SPTBN1: variants seen among roughly 807,000 people sequenced by gnomAD.
The protein encoded by SPTBN1 is spectrin beta, non-erythrocytic 1.
A neutral mutation model predicts 266.4 loss-of-function variants in SPTBN1; 32 were observed. The observed-to-expected ratio is 0.12, with a 90% confidence interval of 0.09 to 0.16. SPTBN1 has a LOEUF of 0.16. Ranked by LOEUF, SPTBN1 falls within the 10% of genes least tolerant of loss-of-function variation. SPTBN1 has a pLI of 1.00. For synonymous variants in SPTBN1, 1,336 were observed against 1,162.2 expected, an observed-to-expected ratio of 1.15 and a Z score of -3.04; for missense variants, 2,296 against 3,067.1, an observed-to-expected ratio of 0.75 and a Z score of 5.94.
At chr2:54,509,301 C>A (rs534641861) in intron 1 of SPTBN1, among the ~76,000 whole-genome samples, 1 of 152,096 alleles carries the variant, frequency 6.6e-6, no homozygotes, top group Non-Finnish European at 1.5e-5. Context: ...GATTGAAGTC[C>A]GGGCCAGGAA....
intron 1 of SPTBN1, among the ~76,000 whole-genome samples, chr2:54,474,734 C>A (rs1558757747): frequency 6.6e-6 from 1 of 152,048 alleles, no homozygotes; most frequent in South Asian, 2.1e-4. Flanking sequence ...GGAAATACTA[C>A]AAATATTAAG....
chr2:54,529,112 G>T (rs904882488), intron 2 of SPTBN1, among the ~76,000 whole-genome samples: 2 of 152,190 alleles, frequency 1.3e-5, no homozygotes. Flanking sequence ...TTAAAGCACG[G>T]GATGCTGATT....
At chr2:54,577,069 C>T (rs914056116) in intron 2 of SPTBN1, among the ~76,000 whole-genome samples, 1 of 152,108 alleles carries the variant, frequency 6.6e-6, no homozygotes, top group Non-Finnish European at 1.5e-5. Context: ...TTTTCCCCTT[C>T]CATTTCATTT....
chr2:54,619,701 C>T (rs1482316167), intron 7 of SPTBN1, among the ~76,000 whole-genome samples: 2 of 152,076 alleles, frequency 1.3e-5, no homozygotes, highest in Non-Finnish European at 2.9e-5. Context: ...AATTGTATAC[C>T]TACACTGGCA....
At chr2:54,665,862 G>A (rs1681333088) in intron 33 of SPTBN1, 53 bp from the exon 34 acceptor site, 1 of 1,550,976 alleles carries the variant, frequency 6.4e-7, no homozygotes, top group Admixed American at 2.0e-5. Context: ...GTTCTTTAAG[G>A]GGAATGTGGT....
At chr2:54,578,749 G>GGT (rs34536803) in intron 2 of SPTBN1, among the ~76,000 whole-genome samples, 39,833 of 147,394 alleles carry the variant, frequency 0.27, 5,332 homozygotes, top group Non-Finnish European at 0.32. Context: ...CTTCTGATGG[G>GGT]GTGTGTGTGT....
intron 1 of SPTBN1, among the ~76,000 whole-genome samples, chr2:54,466,765 T>A (rs190809366): frequency 4.0e-4 from 61 of 152,298 alleles, no homozygotes; most frequent in African/African-American, 1.4e-3. Flanking sequence ...TCCTAACACT[T>A]CTGACCAAAC....
intron 24 of SPTBN1, among the ~76,000 whole-genome samples, chr2:54,647,949 T>C (rs1345316728): frequency 6.6e-6 from 1 of 152,112 alleles, no homozygotes; most frequent in African/African-American, 2.4e-5. Context: ...GTAAAGTAAT[T>C]ACTAGTTTTA....
At chr2:54,508,043 C>T (rs1286485127) in intron 1 of SPTBN1, among the ~76,000 whole-genome samples, 1 of 152,104 alleles carries the variant, frequency 6.6e-6, no homozygotes, top group Non-Finnish European at 1.5e-5. Flanking sequence ...TGGAGGGTAC[C>T]TTGCCACTGA....
At chr2:54,486,864 G>T (rs1668423381) in intron 1 of SPTBN1, among the ~76,000 whole-genome samples, 2 of 152,284 alleles carry the variant, frequency 1.3e-5, no homozygotes, top group Non-Finnish European at 2.9e-5. Context: ...GTGGTGGCAA[G>T]AGCCTTGCCG....
At chr2:54,668,308 C>G (rs927851080) in intron 35 of SPTBN1, 43 bp from the exon 36 acceptor site, 9 of 1,597,322 alleles carry the variant, frequency 5.6e-6, no homozygotes, top group Non-Finnish European at 7.7e-6. Flanking sequence ...CCCCTCATGC[C>G]TACTCTTAGT....
rs114159727 is a variant in SPTBN1, at chr2:54,626,412, C to T, written c.1644+178C>T. Among the ~76,000 whole-genome samples, 1,357 of 152,272 alleles carry T rather than the reference C, an allele frequency of 8.9e-3. 27 individuals carry two copies. Among genetic ancestry groups the T allele is most frequent in the African/African-American group, 0.031 (1,286 of 41,538 alleles). On this transcript the variant is annotated intron_variant, in intron 12 of 35. Coordinates refer to ENST00000356805, the MANE Select transcript of SPTBN1 (RefSeq NM_003128.3). This position sits in a 1 kb window ranked among gnomAD's most constrained non-coding sequence, Gnocchi z 4.7. ...TTGCTAGCTCAGGAATTAAATGAGA[C>T]GTGAAGTGTGAAAAAGTTGTAGAGA...
chr2:54,512,219 A>G (rs575368536), intron 1 of SPTBN1, among the ~76,000 whole-genome samples: 1 of 152,298 alleles, frequency 6.6e-6, no homozygotes, highest in South Asian at 2.1e-4. Context: ...CCTCTAATAG[A>G]GGTTTGATCA....
rs61316795 is a variant in SPTBN1, at chr2:54,529,852, C to CAA, written c.148+3317_148+3318dup. 6.8e-3 allele frequency: 421 copies of CAA among 62,278 alleles called. 13 individuals carry two copies. The highest frequency in any genetic ancestry group is 0.022 in the African/African-American group (243 of 11,020). 3.9% of individuals were successfully genotyped at this position (62,278 alleles called of 1,614,324 possible). ...TCTAAATATACATATCTCTTTTCACCAAAAAAAAAAAAAAAAAAAAAAAAA... is the reference window on the plus strand; with the variant it reads ...TCTAAATATACATATCTCTTTTCACCAAAAAAAAAAAAAAAAAAAAAAAAAAA... On this transcript the variant is annotated intron_variant, in intron 2 of 35. Transcript: ENST00000356805.
At chr2:54,509,975 A>G (rs572052205) in intron 1 of SPTBN1, among the ~76,000 whole-genome samples, 34 of 128,410 alleles carry the variant, frequency 2.6e-4, no homozygotes, top group Non-Finnish European at 5.1e-4. Context: ...TTTTTTTTTA[A>G]TGATAAGGGG....
At chr2:54,519,543 T>A (rs551763196) in intron 1 of SPTBN1, among the ~76,000 whole-genome samples, 1 of 152,074 alleles carries the variant, frequency 6.6e-6, no homozygotes, top group Non-Finnish European at 1.5e-5. Context: ...ATGATTCTTC[T>A]CTCTCAGGAG....
chr2:54,500,703 C>T (rs899372067), intron 1 of SPTBN1, among the ~76,000 whole-genome samples: 2 of 152,074 alleles, frequency 1.3e-5, no homozygotes, highest in Non-Finnish European at 2.9e-5. Flanking sequence ...CATGCCACCA[C>T]GCCTAGCTAA....
chr2:54,630,133 C>G, intron 15 of SPTBN1, 104 bp downstream of exon 15: 1 of 1,432,726 alleles, frequency 7.0e-7, no homozygotes, highest in Non-Finnish European at 9.4e-7. Context: ...ATGGGGTCAT[C>G]GACATTGCAA....
chr2:54,657,101 T>A (rs1680718089), intron 29 of SPTBN1, among the ~76,000 whole-genome samples: 1 of 152,190 alleles, frequency 6.6e-6, no homozygotes. Flanking sequence ...TGAAAATCAG[T>A]GTTAACTATA....
Sources: gnomAD v4.1 joint callset for allele counts (sites outside exome capture counted in the v4.1 genomes callset) on GRCh38, gnomAD v4.1.1 for gene constraint, Gnocchi (gnomAD v3.1) non-coding constraint, MANE v1.5 for transcripts, NCBI Gene and HGNC (gene_info 2026-07-23, HGNC 2026-07-21) for gene names.